The following VPS13B variants were observed in gnomAD, a reference collection of about 807,000 sequenced individuals.
VPS13B encodes the protein intermembrane lipid transfer protein VPS13B.
In VPS13B, 285 loss-of-function variants were observed where a neutral mutation model predicts 426.4. The ratio of observed to expected loss-of-function variants is 0.67; its 90% CI spans 0.61 to 0.74. VPS13B has a LOEUF of 0.74. Among genes scored for constraint, VPS13B ranks in the 30% least tolerant of loss-of-function variants. The probability of loss-of-function intolerance (pLI) is 0.00; values close to 1 mark genes in which losing one functional copy is unlikely to be tolerated. For missense variants in VPS13B, 4,537 were observed against 4,782.6 expected, an observed-to-expected ratio of 0.95 and a Z score of 1.51; for synonymous variants, 1,676 against 1,676.4, an observed-to-expected ratio of 1.00 and a Z score of 0.01.
intron 5 of VPS13B, among the ~76,000 whole-genome samples, chr8:99,104,547 C>G (rs1846938599): frequency 6.6e-6 from 1 of 151,756 alleles, no homozygotes; most frequent in African/African-American, 2.4e-5. Context: ...TTTTCCTCCC[C>G]TCTCCCCACC....
chr8:99,845,766 G>A (rs1815950315), intron 54 of VPS13B, among the ~76,000 whole-genome samples: 1 of 152,126 alleles, frequency 6.6e-6, no homozygotes, highest in Non-Finnish European at 1.5e-5. Context: ...TTTTTTTAAG[G>A]TCTGGATTGT....
intron 16 of VPS13B, among the ~76,000 whole-genome samples, chr8:99,187,883 G>A (rs1208994347): frequency 1.3e-5 from 2 of 152,012 alleles, no homozygotes; most frequent in Non-Finnish European, 2.9e-5. Context: ...TGGGAGGATT[G>A]CTTAAGCCTG....
At chr8:99,099,492 G>A (rs1220674037) in intron 4 of VPS13B, among the ~76,000 whole-genome samples, 1 of 152,082 alleles carries the variant, frequency 6.6e-6, no homozygotes, top group African/African-American at 2.4e-5. Flanking sequence ...AAAATTTTTT[G>A]ATACATGCCA....
intron 33 of VPS13B, among the ~76,000 whole-genome samples, chr8:99,582,424 A>G (rs779784262): frequency 3.3e-5 from 5 of 152,028 alleles, no homozygotes; most frequent in Non-Finnish European, 5.9e-5. Context: ...TTGATTCCCT[A>G]TTACCGTATT....
chr8:99,773,043 G>C (rs928311647), intron 40 of VPS13B, among the ~76,000 whole-genome samples: 2 of 152,112 alleles, frequency 1.3e-5, no homozygotes, highest in Non-Finnish European at 2.9e-5. Context: ...ACCTTGTCTT[G>C]CCCGCAAGAA....
At chr8:99,507,694 T>C in intron 28 of VPS13B, 1 of 1,599,162 alleles carries the variant, frequency 6.3e-7, no homozygotes, top group Non-Finnish European at 8.5e-7. Context: ...TTTAAAACTA[T>C]CCAGATATTT....
chr8:99,213,552 C>T (rs948361241), intron 17 of VPS13B, among the ~76,000 whole-genome samples: 3 of 152,108 alleles, frequency 2.0e-5, no homozygotes, highest in African/African-American at 7.2e-5. Context: ...CTCTAAGAGC[C>T]TGCTTTGATA....
chr8:99,808,527 A>AG (rs1367966472), intron 43 of VPS13B, among the ~76,000 whole-genome samples: 1 of 151,730 alleles, frequency 6.6e-6, no homozygotes, highest in African/African-American at 2.4e-5. Context: ...AAAAAAAAAA[A>AG]AGTCAGTTGT....
intron 33 of VPS13B, among the ~76,000 whole-genome samples, chr8:99,596,337 A>G (rs371123372): frequency 6.6e-6 from 1 of 151,998 alleles, no homozygotes; most frequent in Non-Finnish European, 1.5e-5. Context: ...TTAGCAGAGA[A>G]GTTTATTGTG....
chr8:99,233,329 T>A (rs1816451549), intron 17 of VPS13B: 3 of 1,078,260 alleles, frequency 2.8e-6, no homozygotes, highest in African/African-American at 1.5e-5. Context: ...CAGCTTCACT[T>A]CTTCTTTGGG....
intron 31 of VPS13B, among the ~76,000 whole-genome samples, chr8:99,558,783 C>T (rs1303907837): frequency 2.0e-5 from 3 of 152,184 alleles, no homozygotes; most frequent in Admixed American, 1.3e-4. Flanking sequence ...GGTATATGTG[C>T]CACATTTTCT....
In VPS13B at chr8:99,828,410, T is replaced by TGC. The variant is rs1242932373; in HGVS notation, c.9331-3959_9331-3958insGC. 8.3e-3 allele frequency among the ~76,000 whole-genome samples: 870 copies of TGC among 105,102 alleles called. 104 individuals carry two copies. Among genetic ancestry groups the TGC allele is most frequent in the Non-Finnish European group, 0.012 (621 of 50,536 alleles). The allele number at this position is 105,102 out of a possible 152,430, so 69.0% of individuals were successfully genotyped here. On this transcript the variant is annotated intron_variant, in intron 51 of 61. Transcript: ENST00000357162. ...ACAACCACCGTTTTTTTTTTTTTTT[T>TGC]TTTTTTTTTTTTTTTTTTTTTTTTG...
At chr8:99,489,889 C>T (rs1820509341) in intron 25 of VPS13B, among the ~76,000 whole-genome samples, 1 of 152,172 alleles carries the variant, frequency 6.6e-6, no homozygotes, top group African/African-American at 2.4e-5. Context: ...CTTGAATACC[C>T]TTTATTTCTT....
chr8:99,013,391 A>G, intron 1 of VPS13B, 44 bp downstream of exon 1: 1 of 316,706 alleles, frequency 3.2e-6, no homozygotes. Context: ...GCGGGACGGG[A>G]GGTCTTCTAG....
At position 99,650,243 on chromosome 8, in the gene VPS13B, G is replaced by A. The variant is rs558293955; in HGVS notation, c.5908+7745G>A. Among the ~76,000 whole-genome samples the A allele has an allele frequency of 5.9e-5, 9 of 152,206 alleles. No homozygotes were observed. The South Asian group carries it at 1.9e-3, about 32-fold the overall frequency. ...CCTAATCAGTAATTACTGCTCCCAA[G>A]GAGTTGTCAGCATTAACTTGATTCT... is the stretch of plus-strand genomic sequence containing the variant. On this transcript the variant is annotated intron_variant, in intron 34 of 61. Transcript: ENST00000357162.
chr8:99,688,175 GTTTC>G (rs1432815377), intron 35 of VPS13B, among the ~76,000 whole-genome samples: 2 of 79,592 alleles, frequency 2.5e-5, no homozygotes, highest in Non-Finnish European at 5.3e-5. Flanking sequence ...TTGTTCTTTT[GTTTC>G]TTAGGTAAGG....
chr8:99,239,084 C>T (rs1816782118), intron 17 of VPS13B, among the ~76,000 whole-genome samples: 1 of 152,048 alleles, frequency 6.6e-6, no homozygotes, highest in African/African-American at 2.4e-5. Flanking sequence ...TACATTTGAC[C>T]TTTAATGAGC....
intron 19 of VPS13B, among the ~76,000 whole-genome samples, chr8:99,348,853 A>G (rs927759759): frequency 6.6e-6 from 1 of 152,052 alleles, no homozygotes; most frequent in African/African-American, 2.4e-5. Flanking sequence ...TTAAACGCAC[A>G]TGAAATTGAA....
At chr8:99,582,562 A>T (rs1826115567) in intron 33 of VPS13B, among the ~76,000 whole-genome samples, 1 of 152,234 alleles carries the variant, frequency 6.6e-6, no homozygotes, top group Non-Finnish European at 1.5e-5. Flanking sequence ...TAAAGATGAT[A>T]TAAATATTGT....
Sources: gnomAD v4.1 joint callset for allele counts (sites outside exome capture counted in the v4.1 genomes callset) on GRCh38, gnomAD v4.1.1 for gene constraint, MANE v1.5 for transcripts, NCBI Gene and HGNC (gene_info 2026-07-23, HGNC 2026-07-21) for gene names.